The following PALM2AKAP2 variants were observed in gnomAD, a reference collection of about 807,000 sequenced individuals.
PALM2AKAP2 encodes the protein PALM2-AKAP2 fusion protein.
PALM2AKAP2 carries 37 observed loss-of-function variants against 71.5 expected under a neutral mutation model. That is an observed-to-expected ratio of 0.52 (90% CI 0.40 to 0.68). The LOEUF (loss-of-function observed/expected upper bound fraction) is 0.68, where lower values mean the gene tolerates loss of function less well. Among genes scored for constraint, PALM2AKAP2 ranks in the 30% least tolerant of loss-of-function variants. PALM2AKAP2 has a pLI of 0.00. For missense variants in PALM2AKAP2, 1,224 were observed against 1,191.8 expected (o/e 1.03, Z -0.40); for synonymous variants, 468 against 478.8 (o/e 0.98, Z 0.29).
intron 6 of PALM2AKAP2, among the ~76,000 whole-genome samples, chr9:110,006,727 A>G (rs1242491208): frequency 2.6e-5 from 4 of 152,106 alleles, no homozygotes; most frequent in South Asian, 4.1e-4. Flanking sequence ...TTTATATAAC[A>G]TAAGTGATTC....
In PALM2AKAP2 at chr9:110,054,397, T is replaced by C. The variant is rs578034554; in HGVS notation, c.156+5542T>C. Among the ~76,000 whole-genome samples the C allele has an allele frequency of 5.3e-5, 8 of 150,268 alleles. No homozygotes were observed. The East Asian group carries it at 1.5e-3, about 29-fold the overall frequency. ...CTGGGCAACAAGAGTGAAACTCTGTTTCAAAAAAAAAAAATACCAAAACCT... is the reference window on the plus strand; with the variant it reads ...CTGGGCAACAAGAGTGAAACTCTGTCTCAAAAAAAAAAAATACCAAAACCT... On this transcript the variant is annotated intron_variant, in intron 1 of 3. Transcript: ENST00000374525.
In PALM2AKAP2 at chr9:109,791,822, C is replaced by T. The variant is rs1055484021; in HGVS notation, c.45+11289C>T. Among the ~76,000 whole-genome samples, 3 of 152,148 alleles carry T rather than the reference C, an allele frequency of 2.0e-5. No individual in the cohort carries two copies. The South Asian group carries it at 6.2e-4, about 32-fold the overall frequency. On this transcript the variant is annotated intron_variant, in intron 1 of 9. Coordinates refer to the PALM2AKAP2 transcript ENST00000302798. Reference sequence around the variant, plus strand: ...GGGTCTCCTGCTTTTCCAAGAGAACCTGGAAATCCAATTTTGAAGGAAGTC... The same window carrying T: ...GGGTCTCCTGCTTTTCCAAGAGAACTTGGAAATCCAATTTTGAAGGAAGTC...
intron 6 of PALM2AKAP2, among the ~76,000 whole-genome samples, chr9:109,987,769 C>T (rs1832408121): frequency 6.6e-6 from 1 of 152,198 alleles, no homozygotes; most frequent in South Asian, 2.1e-4. Context: ...TTTGGGGGAA[C>T]ATCTCTGTTG....
At chr9:110,035,786 TAGG>T (rs1394719669) in intron 7 of PALM2AKAP2, among the ~76,000 whole-genome samples, 1 of 112,292 alleles carries the variant, frequency 8.9e-6, no homozygotes, top group Non-Finnish European at 2.0e-5. Flanking sequence ...GTAACATATA[TAGG>T]ATATGTTGTG....
chr9:109,659,169 C>A (rs1450170808), intron 1 of PALM2AKAP2, among the ~76,000 whole-genome samples: 1 of 152,158 alleles, frequency 6.6e-6, no homozygotes, highest in Non-Finnish European at 1.5e-5. Flanking sequence ...GGAGGGATTG[C>A]TTCAGAGAAT....
intron 1 of PALM2AKAP2, among the ~76,000 whole-genome samples, chr9:109,660,874 T>C (rs2132241964): frequency 6.6e-6 from 1 of 152,310 alleles, no homozygotes; most frequent in African/African-American, 2.4e-5. Context: ...TGGCATGAGA[T>C]GGTATCTCAT....
Position 109,709,071 on chromosome 9 carries a change from G to A in PALM2AKAP2, c.5+68205G>A, listed in dbSNP as rs577758272. 2.6e-5 allele frequency among the ~76,000 whole-genome samples: 4 copies of A among 152,286 alleles called. No homozygotes were observed. In the East Asian group the frequency reaches 7.7e-4, roughly 29 times the overall value. ...GTCAAGGGGCTGAGCAGAGAGGCCT[G>A]GCCTGACTCCTACCTTGCACTACTC... On this transcript the variant is annotated intron_variant, in intron 1 of 6. Coordinates refer to the PALM2AKAP2 transcript ENST00000374531.
chr9:110,043,561 A>G (rs1197104000), intron 7 of PALM2AKAP2, among the ~76,000 whole-genome samples: 1 of 152,038 alleles, frequency 6.6e-6, no homozygotes, highest in African/African-American at 2.4e-5. Flanking sequence ...CCAAAAATAC[A>G]TATTTGTATT....
At chr9:109,839,915 A>G (rs374660031) in intron 1 of PALM2AKAP2, among the ~76,000 whole-genome samples, 2 of 152,350 alleles carry the variant, frequency 1.3e-5, no homozygotes, top group East Asian at 1.9e-4. Flanking sequence ...GGAAAAATCA[A>G]TATCGTGAAA....
chr9:109,711,061 T>C (rs1326214954), intron 1 of PALM2AKAP2, among the ~76,000 whole-genome samples: 1 of 152,146 alleles, frequency 6.6e-6, no homozygotes, highest in African/African-American at 2.4e-5. Context: ...CATGTTGATC[T>C]CCATAGGAAT....
chr9:110,016,132 C>A, intron 7 of PALM2AKAP2, 93 bp downstream of exon 7: 2 of 1,186,872 alleles, frequency 1.7e-6, no homozygotes, highest in East Asian at 2.5e-5. Flanking sequence ...TGAACACTAC[C>A]AATCCACCTT....
upstream of PALM2AKAP2, among the ~76,000 whole-genome samples, chr9:110,045,220 G>C (rs1290639911): frequency 1.3e-5 from 2 of 152,250 alleles, no homozygotes; most frequent in East Asian, 3.9e-4. Flanking sequence ...TGATGGTATA[G>C]GGCCTGTGGG....
At chr9:109,789,313 C>T (rs1335992729) in intron 1 of PALM2AKAP2, among the ~76,000 whole-genome samples, 5 of 152,234 alleles carry the variant, frequency 3.3e-5, no homozygotes, top group Admixed American at 1.3e-4. Flanking sequence ...CCTTCTCCAG[C>T]CTGCAGGTGC....
intron 1 of PALM2AKAP2, among the ~76,000 whole-genome samples, chr9:109,720,630 C>T (rs998028989): frequency 6.6e-6 from 1 of 152,144 alleles, no homozygotes; most frequent in African/African-American, 2.4e-5. Flanking sequence ...AAGGAGCTAG[C>T]AAAATCTATA....
chr9:109,740,133 A>G (rs73529188), intron 1 of PALM2AKAP2, among the ~76,000 whole-genome samples: 1,679 of 152,294 alleles, frequency 0.011, 34 homozygotes, highest in African/African-American at 0.038. Flanking sequence ...CTAATCTATC[A>G]TCACTTTCTA....
Position 109,676,934 on chromosome 9 carries a change from T to G in PALM2AKAP2, c.5+36068T>G, listed in dbSNP as rs193241223. Among the ~76,000 whole-genome samples the G allele has an allele frequency of 5.0e-3, 761 of 152,262 alleles. 2 individuals carry two copies. The highest frequency in any genetic ancestry group is 0.017 in the African/African-American group (708 of 41,530). ...CTTACTGTAATTGAGTGTTATTTAGTCATTGATTATCTTTGGCAAAAACAT... is the reference window on the plus strand; with the variant it reads ...CTTACTGTAATTGAGTGTTATTTAGGCATTGATTATCTTTGGCAAAAACAT... On this transcript the variant is annotated intron_variant, in intron 1 of 6. Coordinates refer to the PALM2AKAP2 transcript ENST00000374531.
intron 1 of PALM2AKAP2, among the ~76,000 whole-genome samples, chr9:109,838,550 A>T (rs1385951488): frequency 1.3e-5 from 2 of 152,244 alleles, no homozygotes; most frequent in Admixed American, 1.3e-4. Context: ...AAGGAAATGG[A>T]GACATAAAAA....
At chr9:109,807,553 T>C (rs1827611363) in intron 1 of PALM2AKAP2, among the ~76,000 whole-genome samples, 1 of 139,288 alleles carries the variant, frequency 7.2e-6, no homozygotes, top group Non-Finnish European at 1.6e-5. Context: ...GGCAGCTCTC[T>C]GGGACCTTTT....
chr9:109,830,459 G>A (rs1700389225), intron 1 of PALM2AKAP2, among the ~76,000 whole-genome samples: 1 of 152,134 alleles, frequency 6.6e-6, no homozygotes, highest in African/African-American at 2.4e-5. Flanking sequence ...TGTAGGCCTA[G>A]GCTCTGATCT....
Sources: gnomAD v4.1 joint callset for allele counts (sites outside exome capture counted in the v4.1 genomes callset) on GRCh38, gnomAD v4.1.1 for gene constraint, MANE v1.5 for transcripts, NCBI Gene and HGNC (gene_info 2026-07-23, HGNC 2026-07-21) for gene names.